The following RALGPS1 variants were observed in gnomAD, a reference collection of about 807,000 sequenced individuals.
The protein encoded by RALGPS1 is Ral GEF with PH domain and SH3 binding motif 1.
A neutral mutation model predicts 78.8 loss-of-function variants in RALGPS1; 19 were observed. That is an observed-to-expected ratio of 0.24 (90% CI 0.17 to 0.35). RALGPS1 has a LOEUF of 0.35. RALGPS1 is among the 10% of genes least tolerant of loss of function. The pLI, the probability that RALGPS1 is intolerant of heterozygous loss-of-function variation, is 1.00. For synonymous variants in RALGPS1, 228 were observed against 256.3 expected (o/e 0.89, Z 1.06); for missense variants, 454 against 688.3 (o/e 0.66, Z 3.81).
intron 11 of RALGPS1, chr9:127,178,571 C>A: frequency 1.2e-6 from 1 of 860,144 alleles, no homozygotes; most frequent in Non-Finnish European, 1.4e-6. Context: ...AGCTAAATAT[C>A]ACTGCCTCGG....
rs537174913 is a variant in RALGPS1, at chr9:127,078,547, G to T, written c.610+9191G>T. ...ATCTCCGTCTCCATGGAAATAAACA[G>T]TAGAAGGAAAACATGTGGGGGCCAA... On this transcript the variant is annotated intron_variant, in intron 8 of 18. Coordinates refer to ENST00000259351, the MANE Select transcript of RALGPS1 (RefSeq NM_014636.3). Among the ~76,000 whole-genome samples the T allele has an allele frequency of 5.9e-5, 9 of 152,288 alleles. No homozygotes were observed. In the South Asian group the frequency reaches 1.7e-3, roughly 28 times the overall value.
chr9:127,034,607 C>A, intron 5 of RALGPS1, 93 bp downstream of exon 5: 2 of 1,118,386 alleles, frequency 1.8e-6, no homozygotes, highest in Non-Finnish European at 2.7e-6. Flanking sequence ...GTCTCCCAGG[C>A]TCCCAGCTGG....
At chr9:127,079,291 C>A (rs916062169) in intron 8 of RALGPS1, among the ~76,000 whole-genome samples, 1 of 152,086 alleles carries the variant, frequency 6.6e-6, no homozygotes, top group African/African-American at 2.4e-5. Context: ...CTGGGCTGGC[C>A]CTAATAAAGA....
chr9:126,953,395 G>A (rs866955952), intron 1 of RALGPS1, among the ~76,000 whole-genome samples: 3 of 151,980 alleles, frequency 2.0e-5, no homozygotes, highest in South Asian at 2.1e-4. Context: ...GTGTGTGCGC[G>A]TGTGTGTATG....
chr9:127,041,932 C>T (rs2047355663), intron 5 of RALGPS1, among the ~76,000 whole-genome samples: 1 of 152,154 alleles, frequency 6.6e-6, no homozygotes, highest in Non-Finnish European at 1.5e-5. Flanking sequence ...CAGACAAGGG[C>T]TTTATTACTG....
At chr9:126,970,452 T>C (rs1294052594) in intron 3 of RALGPS1, among the ~76,000 whole-genome samples, 1 of 152,144 alleles carries the variant, frequency 6.6e-6, no homozygotes, top group Non-Finnish European at 1.5e-5. Flanking sequence ...ATTCAAATAA[T>C]GGGTGAGTAG....
intron 8 of RALGPS1, among the ~76,000 whole-genome samples, chr9:127,076,651 C>G (rs753453313): frequency 6.6e-6 from 1 of 152,186 alleles, no homozygotes; most frequent in Non-Finnish European, 1.5e-5. Flanking sequence ...AAGAAGTGAT[C>G]ATTGGTCAAA....
In RALGPS1 at chr9:127,213,058, C is replaced by T; in HGVS notation, c.1552+9C>T. 6.2e-7 allele frequency: 1 copy of T among 1,614,196 alleles called. No individual in the cohort carries two copies. The highest frequency in any genetic ancestry group is 8.5e-7 in the Non-Finnish European group (1 of 1,180,018). On this transcript the variant is annotated intron_variant, in intron 17 of 18. Transcript: ENST00000259351. ...GAACAACCCTGACAAAGGTAGGCAGCAGGCCAGAGCTGGCGCCTGCAGCTG... is the reference window on the plus strand; with the variant it reads ...GAACAACCCTGACAAAGGTAGGCAGTAGGCCAGAGCTGGCGCCTGCAGCTG...
intron 5 of RALGPS1, among the ~76,000 whole-genome samples, chr9:127,048,935 C>G (rs531820248): frequency 1.3e-5 from 2 of 152,174 alleles, no homozygotes; most frequent in Non-Finnish European, 2.9e-5. Context: ...ATATAAAAAG[C>G]ACATTGTTGA....
intron 5 of RALGPS1, 101 bp downstream of exon 5, chr9:127,034,615 T>A (rs1346975728): frequency 3.0e-6 from 3 of 1,014,006 alleles, no homozygotes; most frequent in Non-Finnish European, 4.7e-6. Context: ...GGCTCCCAGC[T>A]GGCCCCAGAT....
chr9:127,068,093 T>C (rs1394141082), intron 7 of RALGPS1, among the ~76,000 whole-genome samples: 2 of 152,252 alleles, frequency 1.3e-5, no homozygotes, highest in Non-Finnish European at 2.9e-5. Flanking sequence ...ACAAAGGATT[T>C]GCTTCTCTAA....
chr9:127,155,790 A>G (rs1027971160), intron 8 of RALGPS1, among the ~76,000 whole-genome samples: 2 of 152,194 alleles, frequency 1.3e-5, no homozygotes, highest in South Asian at 2.1e-4. Context: ...AAGACCAACC[A>G]GGGGCTGAGA....
intron 4 of RALGPS1, among the ~76,000 whole-genome samples, chr9:126,996,249 T>G (rs2042744580): frequency 6.6e-6 from 1 of 152,054 alleles, no homozygotes. Context: ...AGGAGCTGGT[T>G]TTTTTGAAAA....
intron 5 of RALGPS1, among the ~76,000 whole-genome samples, chr9:127,035,892 C>T (rs970100641): frequency 5.9e-5 from 9 of 151,774 alleles, no homozygotes; most frequent in Non-Finnish European, 1.0e-4. Context: ...TTCAACTGAG[C>T]TTAGTCTTTA....
chr9:127,123,869 G>T (rs952003222), intron 8 of RALGPS1, among the ~76,000 whole-genome samples: 11 of 152,098 alleles, frequency 7.2e-5, no homozygotes, highest in Non-Finnish European at 1.2e-4. Flanking sequence ...GGAGCCCCAG[G>T]GTACAAGTTT....
At chr9:126,998,043 G>A (rs1487538300) in intron 4 of RALGPS1, among the ~76,000 whole-genome samples, 4 of 152,248 alleles carry the variant, frequency 2.6e-5, no homozygotes, top group African/African-American at 9.6e-5. Flanking sequence ...AGACTTAAAT[G>A]TTAGACCTAA....
intron 1 of RALGPS1, among the ~76,000 whole-genome samples, chr9:126,936,521 GATTT>G (rs925221770): frequency 3.3e-5 from 5 of 152,138 alleles, no homozygotes; most frequent in Non-Finnish European, 5.9e-5. Context: ...AGCAAGAACA[GATTT>G]ATTTATTATT....
intron 8 of RALGPS1, among the ~76,000 whole-genome samples, chr9:127,114,740 C>T (rs200308253): frequency 1.5e-4 from 23 of 152,348 alleles, no homozygotes; most frequent in East Asian, 9.6e-4. Flanking sequence ...GCCTGAGAAG[C>T]GGGCCTCTGC....
At chr9:127,050,336 T>C (rs1393094041) in intron 6 of RALGPS1, among the ~76,000 whole-genome samples, 1 of 152,224 alleles carries the variant, frequency 6.6e-6, no homozygotes. Flanking sequence ...TAGCACCTTG[T>C]GCGCAAATTG....
Sources: allele counts gnomAD v4.1 joint callset (sites outside exome capture counted in the v4.1 genomes callset), GRCh38; gene constraint gnomAD v4.1.1; transcripts MANE v1.5; gene names NCBI Gene and HGNC (gene_info 2026-07-23, HGNC 2026-07-21).